The following CLDN10 variants were observed in gnomAD, a reference collection of about 807,000 sequenced individuals.
CLDN10 encodes the protein claudin-10.
CLDN10 carries 15 observed loss-of-function variants against 22.9 expected under a neutral mutation model. That is an observed-to-expected ratio of 0.65 (90% CI 0.44 to 1.01). CLDN10 has a LOEUF of 1.01. CLDN10 is among the 50% of genes least tolerant of loss of function. CLDN10 has a pLI of 0.00. For missense variants in CLDN10, 247 were observed against 287.8 expected (o/e 0.86, Z 1.03); for synonymous variants, 114 against 111.4 (o/e 1.02, Z -0.15).
chr13:95,459,373 A>G (rs1231089261), intron 1 of CLDN10, among the ~76,000 whole-genome samples: 1 of 152,144 alleles, frequency 6.6e-6, no homozygotes, highest in Non-Finnish European at 1.5e-5. Context: ...GAGGTTCTCC[A>G]TGAGGGCTCC....
intron 1 of CLDN10, among the ~76,000 whole-genome samples, chr13:95,555,057 T>TTTTG (rs1555299147): frequency 2.0e-5 from 3 of 147,066 alleles, no homozygotes; most frequent in Non-Finnish European, 3.0e-5. Flanking sequence ...GTTTTTTTTT[T>TTTTG]TTTTTTTTTT....
At chr13:95,519,392 A>G (rs2043202693) in intron 1 of CLDN10, among the ~76,000 whole-genome samples, 1 of 152,246 alleles carries the variant, frequency 6.6e-6, no homozygotes, top group African/African-American at 2.4e-5. Flanking sequence ...TTGCTGCTTT[A>G]GGCAGGAACA....
chr13:95,517,931 C>T (rs1456070754), intron 1 of CLDN10, among the ~76,000 whole-genome samples: 3 of 71,908 alleles, frequency 4.2e-5, no homozygotes, highest in Non-Finnish European at 5.6e-5. Flanking sequence ...AAAACTCCAC[C>T]TCAAAAAAAA....
intron 1 of CLDN10, among the ~76,000 whole-genome samples, chr13:95,490,734 G>C (rs1470883060): frequency 6.6e-6 from 1 of 152,116 alleles, no homozygotes; most frequent in Non-Finnish European, 1.5e-5. Context: ...ATAGAATGCA[G>C]TTGTTGGATG....
At chr13:95,546,474 T>G (rs1262258228) in intron 1 of CLDN10, among the ~76,000 whole-genome samples, 2 of 152,112 alleles carry the variant, frequency 1.3e-5, no homozygotes, top group Admixed American at 1.3e-4. Flanking sequence ...CAGTGTTTAT[T>G]AGATAGAAAT....
At chr13:95,451,050 C>T (rs1463530096) in intron 1 of CLDN10, among the ~76,000 whole-genome samples, 4 of 152,180 alleles carry the variant, frequency 2.6e-5, no homozygotes, top group East Asian at 1.9e-4. Context: ...TGGAGAAGGG[C>T]CATAACTTGC....
intron 1 of CLDN10, among the ~76,000 whole-genome samples, chr13:95,501,651 G>T (rs754066282): frequency 6.6e-6 from 1 of 152,050 alleles, no homozygotes; most frequent in Admixed American, 6.6e-5. Flanking sequence ...CTTTGAACTT[G>T]TCTGTTTCTT....
intron 1 of CLDN10, among the ~76,000 whole-genome samples, chr13:95,465,897 C>G (rs1039645674): frequency 6.6e-6 from 1 of 152,120 alleles, no homozygotes; most frequent in Non-Finnish European, 1.5e-5. Context: ...AATGTATTTT[C>G]TGTGTCTACT....
chr13:95,540,028 G>A (rs965820803), intron 1 of CLDN10, among the ~76,000 whole-genome samples: 2 of 152,004 alleles, frequency 1.3e-5, no homozygotes, highest in South Asian at 4.2e-4. Flanking sequence ...GGCCAGGCGC[G>A]GTGGCTCACG....
intron 1 of CLDN10, among the ~76,000 whole-genome samples, chr13:95,483,351 T>C (rs898578509): frequency 8.1e-5 from 9 of 111,672 alleles, no homozygotes; most frequent in Non-Finnish European, 1.6e-4. Flanking sequence ...TCATTTCTCA[T>C]CTCTAATTTT....
At chr13:95,480,955 AC>A (rs1393263919) in intron 1 of CLDN10, among the ~76,000 whole-genome samples, 1 of 152,160 alleles carries the variant, frequency 6.6e-6, no homozygotes, top group Non-Finnish European at 1.5e-5. Context: ...GCAAGAGCTA[AC>A]CCCCAGCTGC....
chr13:95,491,374 G>T (rs4403921), intron 1 of CLDN10, among the ~76,000 whole-genome samples: 64,694 of 150,926 alleles, frequency 0.43, 14,716 homozygotes, highest in Non-Finnish European at 0.5. Context: ...CTTTTTTCTA[G>T]GTCTTTGTTG....
At chr13:95,521,412 A>G (rs968793469) in intron 1 of CLDN10, among the ~76,000 whole-genome samples, 1 of 152,128 alleles carries the variant, frequency 6.6e-6, no homozygotes, top group African/African-American at 2.4e-5. Flanking sequence ...ATTTTATTCA[A>G]TGCTTTTTTG....
chr13:95,531,143 C>T (rs918324759), intron 1 of CLDN10, among the ~76,000 whole-genome samples: 1 of 152,088 alleles, frequency 6.6e-6, no homozygotes, highest in African/African-American at 2.4e-5. Flanking sequence ...TGGTCTCGAT[C>T]TCATGACCTC....
At chr13:95,482,439 G>C (rs1238317198) in intron 1 of CLDN10, among the ~76,000 whole-genome samples, 2 of 152,102 alleles carry the variant, frequency 1.3e-5, no homozygotes, top group African/African-American at 4.8e-5. Flanking sequence ...AGCTGCTGTG[G>C]CAGAAAGGGT....
intron 1 of CLDN10, among the ~76,000 whole-genome samples, chr13:95,438,186 T>C (rs2042290228): frequency 6.6e-6 from 1 of 152,214 alleles, no homozygotes; most frequent in Non-Finnish European, 1.5e-5. Flanking sequence ...CCTGAGTAGC[T>C]GGGACTATAG....
At chr13:95,444,258 T>C (rs2042350632) in intron 1 of CLDN10, among the ~76,000 whole-genome samples, 1 of 152,210 alleles carries the variant, frequency 6.6e-6, no homozygotes, top group Non-Finnish European at 1.5e-5. Flanking sequence ...TGTGCATGTT[T>C]AGGTAATGTA....
At chr13:95,548,005 T>A (rs773836979), upstream of CLDN10, among the ~76,000 whole-genome samples, 3 of 152,224 alleles carry the variant, frequency 2.0e-5, no homozygotes, top group Non-Finnish European at 4.4e-5. Flanking sequence ...CAGGGGTTTT[T>A]GGAGTTGAAA....
chr13:95,566,521 G>T (rs1259642089), intron 3 of CLDN10, among the ~76,000 whole-genome samples: 1 of 151,560 alleles, frequency 6.6e-6, no homozygotes, highest in Admixed American at 6.6e-5. Context: ...CTGGATATTA[G>T]CCCTTTGTCA....
Sources: gnomAD v4.1 joint callset for allele counts (sites outside exome capture counted in the v4.1 genomes callset) on GRCh38, gnomAD v4.1.1 for gene constraint, MANE v1.5 for transcripts, NCBI Gene and HGNC (gene_info 2026-07-23, HGNC 2026-07-21) for gene names.